The following CHRNA7 variants were observed in gnomAD, a reference collection of about 807,000 sequenced individuals.
The protein encoded by CHRNA7 is cholinergic receptor nicotinic alpha 7 subunit, also known as neuronal acetylcholine receptor subunit alpha-7.
A neutral mutation model predicts 48.0 loss-of-function variants in CHRNA7; 17 were observed. The ratio of observed to expected loss-of-function variants is 0.35; its 90% confidence interval spans 0.24 to 0.53. The LOEUF is 0.53. CHRNA7 is among the 20% of genes least tolerant of loss of function. The pLI, the probability that CHRNA7 is intolerant of heterozygous loss-of-function variation, is 0.92. For missense variants in CHRNA7, 155 were observed against 577.7 expected, an observed-to-expected ratio of 0.27 and a Z score of 7.50; for synonymous variants, 75 against 242.3, an observed-to-expected ratio of 0.31 and a Z score of 6.41.
intron 4 of CHRNA7, chr15:32,153,647 T>C: frequency 1.6e-6 from 1 of 618,764 alleles, no homozygotes. Flanking sequence ...GTTAAGAGCT[T>C]GGTTTTATAT....
At chr15:32,138,623 C>T (rs563212785) in intron 4 of CHRNA7, among the ~76,000 whole-genome samples, 3 of 152,180 alleles carry the variant, frequency 2.0e-5, no homozygotes, top group African/African-American at 7.2e-5. Flanking sequence ...TGACCTGTAT[C>T]GACCATTATA....
chr15:32,133,510 C>G, intron 4 of CHRNA7, among the ~76,000 whole-genome samples: 1 of 152,186 alleles, frequency 6.6e-6, no homozygotes, highest in East Asian at 1.9e-4. Flanking sequence ...TGCTTCTGCC[C>G]TCTTGCCCTG....
intron 4 of CHRNA7, among the ~76,000 whole-genome samples, chr15:32,145,595 C>T (rs995078652): frequency 1.3e-5 from 2 of 152,116 alleles, no homozygotes; most frequent in Non-Finnish European, 1.5e-5. Context: ...GCTTCCTGGC[C>T]GCTTTGTTTA....
chr15:32,122,413 A>G (rs1428552477), intron 4 of CHRNA7, among the ~76,000 whole-genome samples: 1 of 152,190 alleles, frequency 6.6e-6, no homozygotes, highest in African/African-American at 2.4e-5. Flanking sequence ...ACCCATACCA[A>G]TCTATCTTGA....
intron 3 of CHRNA7, among the ~76,000 whole-genome samples, chr15:32,103,446 T>C (rs1882377546): frequency 6.7e-6 from 1 of 149,890 alleles, no homozygotes; most frequent in South Asian, 2.1e-4. Context: ...AGAAAATGGA[T>C]GTGCTTAAAG....
intron 4 of CHRNA7, among the ~76,000 whole-genome samples, chr15:32,131,366 C>CTTT: frequency 6.6e-6 from 1 of 150,536 alleles, no homozygotes; most frequent in South Asian, 2.1e-4. Flanking sequence ...GATTTTTTTT[C>CTTT]TTTTTTTTGG....
chr15:32,088,553 T>A (rs1278037209), intron 2 of CHRNA7, among the ~76,000 whole-genome samples: 3 of 152,206 alleles, frequency 2.0e-5, no homozygotes, highest in African/African-American at 7.2e-5. Context: ...TTACCAGCAA[T>A]GAACGAGCCT....
intron 2 of CHRNA7, among the ~76,000 whole-genome samples, chr15:32,074,415 A>T (rs904932655): frequency 2.0e-5 from 3 of 148,836 alleles, no homozygotes; most frequent in African/African-American, 7.4e-5. Context: ...AATAGAATAA[A>T]AGTAGAGAGA....
chr15:32,093,951 C>A (rs1390890249), intron 2 of CHRNA7, among the ~76,000 whole-genome samples: 1 of 152,116 alleles, frequency 6.6e-6, no homozygotes, highest in Non-Finnish European at 1.5e-5. Flanking sequence ...TGGGGGAGTT[C>A]TAGAGGCAGA....
chr15:32,107,559 A>G (rs976130317), intron 3 of CHRNA7, among the ~76,000 whole-genome samples: 5 of 152,130 alleles, frequency 3.3e-5, no homozygotes, highest in African/African-American at 1.2e-4. Context: ...GAATTCAGCA[A>G]CATGAAACTC....
chr15:32,092,870 T>G (rs964301019), intron 2 of CHRNA7, among the ~76,000 whole-genome samples: 1 of 152,154 alleles, frequency 6.6e-6, no homozygotes, highest in African/African-American at 2.4e-5. Context: ...CTAACTCAGT[T>G]CCTTAGAGGA....
intron 2 of CHRNA7, among the ~76,000 whole-genome samples, chr15:32,051,218 T>C (rs1450788124): frequency 3.3e-5 from 5 of 151,764 alleles, no homozygotes; most frequent in African/African-American, 1.2e-4. Flanking sequence ...AGGTTACTGC[T>C]CTCTTTTTGT....
intron 3 of CHRNA7, among the ~76,000 whole-genome samples, chr15:32,104,258 T>C (rs911763771): frequency 6.6e-6 from 1 of 151,956 alleles, no homozygotes; most frequent in African/African-American, 2.4e-5. Context: ...GACACACACG[T>C]CACCCGAGCC....
intron 4 of CHRNA7, among the ~76,000 whole-genome samples, chr15:32,118,794 G>A (rs1347993827): frequency 6.6e-6 from 1 of 152,088 alleles, no homozygotes; most frequent in Non-Finnish European, 1.5e-5. Context: ...GGGCCAGATT[G>A]TAGGTGATCC....
At chr15:32,069,963 C>T (rs1018826342) in intron 2 of CHRNA7, among the ~76,000 whole-genome samples, 7 of 152,044 alleles carry the variant, frequency 4.6e-5, no homozygotes, top group Non-Finnish European at 1.0e-4. Context: ...TATTTTTTAT[C>T]TGATTTTCCC....
At chr15:32,162,354 C>G (rs983648340) in intron 8 of CHRNA7, 9 of 152,318 alleles carry the variant, frequency 5.9e-5, no homozygotes, top group Admixed American at 1.3e-4. Context: ...CAACCAAACC[C>G]CATCCTGAGG....
At chr15:32,126,975 C>A (rs2051077275) in intron 4 of CHRNA7, among the ~76,000 whole-genome samples, 1 of 152,114 alleles carries the variant, frequency 6.6e-6, no homozygotes. Flanking sequence ...TGTATTGATT[C>A]ATGTAGCCAC....
chr15:32,034,228 A>G (rs1901977864), intron 2 of CHRNA7, among the ~76,000 whole-genome samples: 1 of 152,210 alleles, frequency 6.6e-6, no homozygotes, highest in Admixed American at 6.5e-5. Context: ...AAAGTAGGAA[A>G]TCTTTTCCAG....
chr15:32,074,666 A>ATTATTATTATTT (rs991862925), intron 2 of CHRNA7, among the ~76,000 whole-genome samples: 5 of 107,296 alleles, frequency 4.7e-5, no homozygotes, highest in African/African-American at 1.3e-4. Flanking sequence ...TATTATTATT[A>ATTATTATTATTT]TTTTTGAGAC....
Sources: allele counts gnomAD v4.1 joint callset (sites outside exome capture counted in the v4.1 genomes callset), GRCh38; gene constraint gnomAD v4.1.1; transcripts MANE v1.5; gene names NCBI Gene and HGNC (gene_info 2026-07-23, HGNC 2026-07-21).